ARHGEF18: variants seen among roughly 807,000 people sequenced by gnomAD.
The protein encoded by ARHGEF18 is Rho/Rac guanine nucleotide exchange factor 18.
ARHGEF18 carries 93 observed loss-of-function variants against 155.7 expected under a neutral mutation model. That is an observed-to-expected ratio of 0.60 (90% confidence interval 0.50 to 0.71). ARHGEF18 has a LOEUF of 0.71. Among genes scored for constraint, ARHGEF18 ranks in the 30% least tolerant of loss-of-function variants. ARHGEF18 has a pLI of 0.00. For synonymous variants in ARHGEF18, 742 were observed against 753.1 expected, an observed-to-expected ratio of 0.99 and a Z score of 0.24; for missense variants, 1,593 against 1,816.1, an observed-to-expected ratio of 0.88 and a Z score of 2.23.
chr19:7,434,921 G>A (rs1871814009), intron 10 of ARHGEF18, among the ~76,000 whole-genome samples: 1 of 152,182 alleles, frequency 6.6e-6, no homozygotes, highest in Admixed American at 6.6e-5. Context: ...AACACCATAG[G>A]CCAGGCGCAG....
chr19:7,463,164 C>T lies in ARHGEF18; in HGVS notation c.2636-654C>T, dbSNP rs1976394357. Among the ~76,000 whole-genome samples, 2 of 152,248 alleles carry T rather than the reference C, an allele frequency of 1.3e-5. No homozygotes were observed. The highest frequency in any genetic ancestry group is 2.1e-4 in the South Asian group (1 of 4,824). On this transcript the variant is annotated intron_variant, in intron 21 of 28. Coordinates refer to ENST00000668164, the MANE Select transcript of ARHGEF18 (RefSeq NM_001367823.1). This position sits in a 1 kb window ranked among gnomAD's most constrained non-coding sequence, Gnocchi z 5.2. ...CTGCTCTTTCAACAGTGAGGGAAGCCGACTCAGCCCCTGCCTTCCAGAGCC... is the reference window on the plus strand; with the variant it reads ...CTGCTCTTTCAACAGTGAGGGAAGCTGACTCAGCCCCTGCCTTCCAGAGCC...
rs1977087894 is a variant in ARHGEF18 at position 7,472,473 on chromosome 19, A to C, written c.*2175A>C. 1 of 161,368 alleles carries C rather than the reference A, an allele frequency of 6.2e-6. No homozygotes were observed. The highest frequency in any genetic ancestry group is 2.4e-5 in the African/African-American group (1 of 41,550). The allele number at this position is 161,368 out of a possible 1,614,324, so 10.0% of individuals were successfully genotyped here. On this transcript the variant is annotated 3_prime_UTR_variant, in exon 29 of 29. Transcript: ENST00000668164. ...CTGATTCTAGCAATAAACGTGTCCG[A>C]GATGAGCGGTGACTGGCGTGCACGT...
At chr19:7,401,350 A>G (rs558904969) in intron 10 of ARHGEF18, among the ~76,000 whole-genome samples, 2 of 152,234 alleles carry the variant, frequency 1.3e-5, no homozygotes, top group Non-Finnish European at 2.9e-5. Flanking sequence ...CAGTGTCACA[A>G]TCATAGCCCA....
chr19:7,398,698 A>T (rs1273006503), intron 10 of ARHGEF18, among the ~76,000 whole-genome samples: 3 of 148,476 alleles, frequency 2.0e-5, no homozygotes, highest in East Asian at 3.9e-4. Context: ...CTCAAAAAAA[A>T]AAAAAAAAAT....
At chr19:7,466,125 T>G (rs1976590524) in intron 23 of ARHGEF18, among the ~76,000 whole-genome samples, 1 of 151,970 alleles carries the variant, frequency 6.6e-6, no homozygotes, top group Admixed American at 6.6e-5. Context: ...GGCTCACGCC[T>G]GTAATCCCAG....
At position 7,462,424 on chromosome 19, in the gene ARHGEF18, C is replaced by T. The variant is rs923228487; in HGVS notation, c.2635+90C>T. 27 of 1,385,022 alleles carry T rather than the reference C, an allele frequency of 1.9e-5. No individual in the cohort carries two copies. The highest frequency in any genetic ancestry group is 3.0e-5 in the African/African-American group (2 of 67,760). 85.8% of individuals were successfully genotyped at this position (1,385,022 alleles called of 1,614,324 possible). A position where few individuals can be genotyped will look rare whatever the true frequency, so the allele number is the denominator to read the frequency against. ...GGCCAGGCTCACGGCTCATTGTGGCCGACACGGCACCCTGTCCAGGACAGG... is the reference window on the plus strand; with the variant it reads ...GGCCAGGCTCACGGCTCATTGTGGCTGACACGGCACCCTGTCCAGGACAGG... On this transcript the variant is annotated intron_variant, in intron 21 of 28. Coordinates refer to ENST00000668164, the MANE Select transcript of ARHGEF18 (RefSeq NM_001367823.1). This position sits in a 1 kb window ranked among gnomAD's most constrained non-coding sequence, Gnocchi z 4.4.
At chr19:7,460,189 C>T (rs982852161) in intron 20 of ARHGEF18, among the ~76,000 whole-genome samples, 195 bp downstream of exon 20, 1 of 152,096 alleles carries the variant, frequency 6.6e-6, no homozygotes, top group Non-Finnish European at 1.5e-5. Context: ...TCACTTAGCC[C>T]TTTGGGGGTA....
chr19:7,430,754 A>G (rs561846827), intron 10 of ARHGEF18, among the ~76,000 whole-genome samples: 21 of 152,146 alleles, frequency 1.4e-4, no homozygotes, highest in Non-Finnish European at 2.6e-4. Context: ...GCGGTAAGCT[A>G]AGTCTGTGCC....
At chr19:7,405,348 C>T (rs930903116) in intron 10 of ARHGEF18, among the ~76,000 whole-genome samples, 1 of 152,224 alleles carries the variant, frequency 6.6e-6, no homozygotes, top group Non-Finnish European at 1.5e-5. Flanking sequence ...TGGCCTTCAC[C>T]TGTGTGTGTG....
intron 10 of ARHGEF18, among the ~76,000 whole-genome samples, chr19:7,399,689 C>T (rs1478435729): frequency 6.6e-6 from 1 of 151,740 alleles, no homozygotes; most frequent in Non-Finnish European, 1.5e-5. Context: ...ACCGTGTTAG[C>T]CAGGATGGTC....
At chr19:7,451,431 CA>C (rs1220523752) in intron 16 of ARHGEF18, among the ~76,000 whole-genome samples, 165 bp downstream of exon 16, 1 of 130,340 alleles carries the variant, frequency 7.7e-6, no homozygotes, top group Non-Finnish European at 1.6e-5. Context: ...TTTTAAGAGA[CA>C]GAGTCTCACT....
intron 2 of ARHGEF18, among the ~76,000 whole-genome samples, chr19:7,370,164 T>C (rs2145390750): frequency 6.6e-6 from 1 of 152,090 alleles, no homozygotes; most frequent in African/African-American, 2.4e-5. Flanking sequence ...GCCACTCCAC[T>C]CCAGCCTGGG....
intron 10 of ARHGEF18, among the ~76,000 whole-genome samples, chr19:7,412,451 T>C (rs980278561): frequency 6.6e-6 from 1 of 151,822 alleles, no homozygotes. Flanking sequence ...TTTTAAATTA[T>C]ACCATTTTAG....
At chr19:7,357,303 G>A (rs1274433911) in intron 1 of ARHGEF18, among the ~76,000 whole-genome samples, 1 of 152,176 alleles carries the variant, frequency 6.6e-6, no homozygotes, top group Non-Finnish European at 1.5e-5. Context: ...CAAAGTGTCT[G>A]CCTGTGACCC....
Position 7,467,467 on chromosome 19 carries a change from T to A in ARHGEF18, c.3263T>A (p.Leu1088Gln). The A allele has an allele frequency of 6.7e-7, 1 of 1,492,900 alleles. No individual in the cohort carries two copies. The highest frequency in any genetic ancestry group is 8.8e-7 in the Non-Finnish European group (1 of 1,129,998). 92.5% of individuals were successfully genotyped at this position (1,492,900 alleles called of 1,614,324 possible). ...GAGCTGGAGCGTGCGGGCGCGCGGC[T>A]GCAGGAGCGCGAGGGCGAGGCGCGG... ...HQELERAGAR[L>Q]QEREGEARQL... Residue 1088 changes from leucine (L) to glutamine (Q), a missense_variant, in exon 26 of 29, where the codon CTG becomes CAG. Coordinates refer to ENST00000668164, the MANE Select transcript of ARHGEF18 (RefSeq NM_001367823.1).
At chr19:7,431,046 C>G (rs1025956430) in intron 10 of ARHGEF18, among the ~76,000 whole-genome samples, 1 of 150,874 alleles carries the variant, frequency 6.6e-6, no homozygotes, top group African/African-American at 2.4e-5. Flanking sequence ...CCCAGCTATT[C>G]GGGAGGCTGA....
chr19:7,375,295 A>G (rs1970389700), intron 3 of ARHGEF18, among the ~76,000 whole-genome samples: 1 of 141,784 alleles, frequency 7.1e-6, no homozygotes, highest in Non-Finnish European at 1.6e-5. Context: ...GAAAGAAAAG[A>G]AAGAAAGAAA....
chr19:7,404,000 G>A (rs542252198), intron 10 of ARHGEF18, among the ~76,000 whole-genome samples: 7 of 151,744 alleles, frequency 4.6e-5, no homozygotes, highest in African/African-American at 7.2e-5. Context: ...GGGAGGCGGC[G>A]GAGGTTGTAG....
chr19:7,414,669 C>T (rs1972891654), intron 10 of ARHGEF18, among the ~76,000 whole-genome samples: 1 of 152,024 alleles, frequency 6.6e-6, no homozygotes, highest in Admixed American at 6.6e-5. Context: ...ATTAGCTGGG[C>T]ATGGTGGTGC....
Sources: gnomAD v4.1 joint callset for allele counts (sites outside exome capture counted in the v4.1 genomes callset) on GRCh38, gnomAD v4.1.1 for gene constraint, Gnocchi (gnomAD v3.1) non-coding constraint, MANE v1.5 for transcripts, NCBI Gene and HGNC (gene_info 2026-07-23, HGNC 2026-07-21) for gene names.